KCNIP4: variants seen among roughly 807,000 people sequenced by gnomAD.
The protein encoded by KCNIP4 is Kv channel-interacting protein 4.
A neutral mutation model predicts 34.0 loss-of-function variants in KCNIP4; 12 were observed. The ratio of observed to expected loss-of-function variants is 0.35; its 90% CI spans 0.23 to 0.57. The LOEUF (loss-of-function observed/expected upper bound fraction) is 0.57. Among genes scored for constraint, KCNIP4 ranks in the 20% least tolerant of loss-of-function variants. KCNIP4 has a pLI of 0.83. For synonymous variants in KCNIP4, 124 were observed against 102.2 expected, an observed-to-expected ratio of 1.21 and a Z score of -1.29; for missense variants, 238 against 311.7, an observed-to-expected ratio of 0.76 and a Z score of 1.78.
At chr4:21,036,699 C>T (rs1261617281) in intron 1 of KCNIP4, among the ~76,000 whole-genome samples, 1 of 152,192 alleles carries the variant, frequency 6.6e-6, no homozygotes, top group East Asian at 1.9e-4. Flanking sequence ...GCACTCCAGC[C>T]TGGGGACAGA....
Position 21,244,211 on chromosome 4 carries a change from TCAAATCAG to T in KCNIP4, c.62-361510_62-361503del, listed in dbSNP as rs1223567632. On this transcript the variant is annotated intron_variant, in intron 1 of 8. Transcript: ENST00000382152. ...GATACCTGTATAAAATGTGTAATGA[TCAAATCAG>T]CATAATTGGGATAGTCATCACCCCA... Among the ~76,000 whole-genome samples the T allele has an allele frequency of 2.6e-5, 4 of 152,322 alleles. No homozygotes were observed. In the South Asian group the frequency reaches 8.3e-4, roughly 32 times the overall value.
intron 1 of KCNIP4, among the ~76,000 whole-genome samples, chr4:21,355,153 T>C (rs559955214): frequency 6.6e-6 from 1 of 152,276 alleles, no homozygotes; most frequent in East Asian, 1.9e-4. Flanking sequence ...TTTAAAGCAG[T>C]GTGTAGAGGG....
chr4:21,284,196 G>C (rs1413918288), intron 1 of KCNIP4, among the ~76,000 whole-genome samples: 1 of 150,662 alleles, frequency 6.6e-6, no homozygotes, highest in Non-Finnish European at 1.5e-5. Context: ...CTGGGCGACA[G>C]AGCGAGACTC....
intron 1 of KCNIP4, among the ~76,000 whole-genome samples, chr4:20,958,865 T>A (rs1288884504): frequency 6.6e-6 from 1 of 152,210 alleles, no homozygotes; most frequent in African/African-American, 2.4e-5. Context: ...GGCAGACACC[T>A]TCTTACCAAG....
chr4:21,339,241 T>C (rs1716488294), intron 1 of KCNIP4, among the ~76,000 whole-genome samples: 1 of 152,230 alleles, frequency 6.6e-6, no homozygotes, highest in Non-Finnish European at 1.5e-5. Context: ...GCCTATTTGT[T>C]CACTGAAATT....
intron 1 of KCNIP4, among the ~76,000 whole-genome samples, chr4:21,073,125 G>A (rs140807417): frequency 0.019 from 2,969 of 152,268 alleles, 55 homozygotes; most frequent in Non-Finnish European, 0.026. Context: ...ACTTGGCAAT[G>A]TGGGCTCTTT....
chr4:21,409,771 T>C (rs1277516790), intron 1 of KCNIP4, among the ~76,000 whole-genome samples: 2 of 152,170 alleles, frequency 1.3e-5, no homozygotes, highest in African/African-American at 2.4e-5. Flanking sequence ...TATGTGAGTG[T>C]ATGAGTGATG....
At chr4:20,941,031 A>T (rs191139354) in intron 1 of KCNIP4, among the ~76,000 whole-genome samples, 72 of 152,322 alleles carry the variant, frequency 4.7e-4, no homozygotes, top group African/African-American at 1.6e-3. Flanking sequence ...CGGTATAATT[A>T]TTTTGAGACG....
At chr4:21,066,555 C>T (rs1030993225) in intron 1 of KCNIP4, among the ~76,000 whole-genome samples, 7 of 152,072 alleles carry the variant, frequency 4.6e-5, no homozygotes, top group Non-Finnish European at 7.4e-5. Context: ...TATTGCCATG[C>T]GGCACTGAGA....
At chr4:21,902,755 C>G (rs1437037002) in intron 1 of KCNIP4, among the ~76,000 whole-genome samples, 1 of 151,980 alleles carries the variant, frequency 6.6e-6, no homozygotes, top group Non-Finnish European at 1.5e-5. Context: ...ATCTGGAGAC[C>G]AGTAGACAGA....
chr4:21,069,096 G>T (rs1255407335), intron 1 of KCNIP4, among the ~76,000 whole-genome samples: 2 of 152,092 alleles, frequency 1.3e-5, no homozygotes, highest in African/African-American at 4.8e-5. Flanking sequence ...TAAATAAATT[G>T]CTCTTTGTAA....
intron 1 of KCNIP4, among the ~76,000 whole-genome samples, chr4:21,946,154 C>G (rs2109025172): frequency 6.6e-6 from 1 of 151,818 alleles, no homozygotes; most frequent in South Asian, 2.1e-4. Flanking sequence ...TAGTTTCATC[C>G]TTTGCCTTTC....
At chr4:21,061,476 A>C in intron 1 of KCNIP4, among the ~76,000 whole-genome samples, 1 of 152,252 alleles carries the variant, frequency 6.6e-6, no homozygotes, top group African/African-American at 2.4e-5. Flanking sequence ...GGTCAGGCAA[A>C]TTGAAAGCAA....
At chr4:21,368,243 C>CAT (rs1204654929) in intron 1 of KCNIP4, among the ~76,000 whole-genome samples, 2 of 146,830 alleles carry the variant, frequency 1.4e-5, no homozygotes, top group Non-Finnish European at 2.9e-5. Flanking sequence ...CTGTTACACA[C>CAT]ACACACACAC....
chr4:21,240,921 A>G (rs1257633799), intron 1 of KCNIP4, among the ~76,000 whole-genome samples: 1 of 152,234 alleles, frequency 6.6e-6, no homozygotes, highest in African/African-American at 2.4e-5. Context: ...ATGCAGTCAG[A>G]TGGTTATCCA....
intron 1 of KCNIP4, chr4:21,582,291 C>T (rs915369097): frequency 2.0e-5 from 3 of 151,922 alleles, no homozygotes; most frequent in African/African-American, 7.2e-5. Flanking sequence ...CTCATCTAGC[C>T]ACTGACCCTG....
intron 1 of KCNIP4, among the ~76,000 whole-genome samples, chr4:21,892,048 TC>T (rs1385924678): frequency 1.3e-5 from 2 of 152,212 alleles, no homozygotes; most frequent in South Asian, 4.1e-4. Context: ...CCGAGGTACA[TC>T]CCTAATAGAA....
intron 1 of KCNIP4, among the ~76,000 whole-genome samples, chr4:21,030,905 C>T (rs1489556952): frequency 6.6e-6 from 1 of 152,054 alleles, no homozygotes; most frequent in African/African-American, 2.4e-5. Context: ...TCCCCTTGAC[C>T]CACTCTGGAA....
chr4:21,210,186 G>A (rs1042582779), intron 1 of KCNIP4, among the ~76,000 whole-genome samples: 1 of 152,186 alleles, frequency 6.6e-6, no homozygotes, highest in Non-Finnish European at 1.5e-5. Flanking sequence ...TAGCTGCCTG[G>A]TAAAGACTGT....
Sources: allele counts gnomAD v4.1 joint callset (sites outside exome capture counted in the v4.1 genomes callset), GRCh38; gene constraint gnomAD v4.1.1; transcripts MANE v1.5; gene names NCBI Gene and HGNC (gene_info 2026-07-23, HGNC 2026-07-21).